TPST2: variants seen among roughly 807,000 people sequenced by gnomAD.
TPST2 encodes protein-tyrosine sulfotransferase 2.
In TPST2, 16 loss-of-function variants were observed where a neutral mutation model predicts 27.8. The ratio of observed to expected loss-of-function variants is 0.58; its 90% confidence interval spans 0.39 to 0.88. TPST2 has a LOEUF of 0.88. TPST2 is among the 40% of genes least tolerant of loss of function. The pLI, the probability that TPST2 is intolerant of heterozygous loss-of-function variation, is 0.00. For missense variants in TPST2, 464 were observed against 543.1 expected, an observed-to-expected ratio of 0.85 and a Z score of 1.45; for synonymous variants, 229 against 231.7, an observed-to-expected ratio of 0.99 and a Z score of 0.10.
chr22:26,561,466 T>C (rs574502595), intron 1 of TPST2, among the ~76,000 whole-genome samples: 8 of 152,340 alleles, frequency 5.3e-5, no homozygotes, highest in East Asian at 1.9e-4. Context: ...ATGGGGATGA[T>C]AGTTTTTTCA....
In TPST2 at chr22:26,549,072, CCTAGCGCA is replaced by C. The variant is rs1926298020; in HGVS notation, c.-160-4405_-160-4398del. Among the ~76,000 whole-genome samples the C allele has an allele frequency of 2.0e-5, 3 of 152,268 alleles. No homozygotes were observed. The South Asian group carries it at 6.2e-4, about 32-fold the overall frequency. The stretch of plus-strand genomic sequence containing the variant: ...TCCTAGAAGGGCACTTTGAAATGTG[CCTAGCGCA>C]AATGAGAAACTAGTCTTGCAGGAGT... On this transcript the variant is annotated intron_variant, in intron 1 of 6. Transcript: ENST00000338754.
rs372580239 is a variant in TPST2, at chr22:26,530,657, C to CAGGTGGAAG, written c.1092+2029_1092+2037dup. Among the ~76,000 whole-genome samples, 225 of 110,342 alleles carry CAGGTGGAAG rather than the reference C, an allele frequency of 2.0e-3. 3 individuals are homozygous for CAGGTGGAAG. Among genetic ancestry groups the CAGGTGGAAG allele is most frequent in the African/African-American group, 7.5e-3 (221 of 29,482 alleles). 72.4% of individuals were successfully genotyped at this position (110,342 alleles called of 152,430 possible). ...AAAAAAAAAAAGGAATCAGCAGGAG[C>CAGGTGGAAG]AGGTGGAAGGGTTCAGATCTTTTGA... On this transcript the variant is annotated intron_variant, in intron 5 of 6. Transcript: ENST00000338754.
chr22:26,572,342 C>G (rs984593541), intron 1 of TPST2, among the ~76,000 whole-genome samples: 10 of 152,122 alleles, frequency 6.6e-5, no homozygotes, highest in Non-Finnish European at 1.5e-4. Flanking sequence ...TCACCACCTG[C>G]AAAGCTGGCA....
chr22:26,559,064 A>G (rs1460704243), intron 1 of TPST2, among the ~76,000 whole-genome samples: 1 of 152,222 alleles, frequency 6.6e-6, no homozygotes, highest in African/African-American at 2.4e-5. Context: ...TAACTCACCT[A>G]TTTAAAGTGT....
intron 1 of TPST2, chr22:26,565,120 T>A (rs1334685583): frequency 6.6e-6 from 1 of 152,326 alleles, no homozygotes; most frequent in Non-Finnish European, 1.5e-5. Context: ...GGCCAGGCCA[T>A]GCAAAGCTGG....
chr22:26,541,159 T>C lies in TPST2; in HGVS notation c.472A>G (p.Lys158Glu). The C allele has an allele frequency of 6.2e-7, 1 of 1,605,988 alleles. No individual in the cohort carries two copies. The highest frequency in any genetic ancestry group is 8.5e-7 in the Non-Finnish European group (1 of 1,174,794). The change falls in exon 3 of 7, where the codon AAG becomes GAG. Residue 158 changes from lysine (K) to glutamate (E), a missense_variant. Coordinates refer to ENST00000338754, the MANE Select transcript of TPST2 (RefSeq NM_003595.5). The surrounding 1 kb of genome is among the most constrained non-coding windows in gnomAD (Gnocchi z 5.9). ...HGEPARVLCN[K>E]DPFTLKSSVY... ...GAGGACTTGAGCGTAAATGGGTCCT[T>C]GTTGCAGAGCACGCGGGCCGGCTCT...
At chr22:26,526,819 T>C (rs895530001) in intron 6 of TPST2, among the ~76,000 whole-genome samples, 12 of 152,182 alleles carry the variant, frequency 7.9e-5, no homozygotes, top group African/African-American at 2.7e-4. Flanking sequence ...GGCTCATGCC[T>C]GTAATCCCAG....
At chr22:26,569,571 G>A (rs1927518771) in intron 1 of TPST2, among the ~76,000 whole-genome samples, 1 of 151,868 alleles carries the variant, frequency 6.6e-6, no homozygotes, top group African/African-American at 2.4e-5. Flanking sequence ...TCACTTCAAG[G>A]CCAAGAGCTG....
At chr22:26,559,550 T>C (rs1215527124) in intron 1 of TPST2, among the ~76,000 whole-genome samples, 1 of 152,174 alleles carries the variant, frequency 6.6e-6, no homozygotes, top group Non-Finnish European at 1.5e-5. Context: ...TATCAAACTG[T>C]AACCCCCTTC....
At chr22:26,576,692 G>A (rs1019784483) in intron 1 of TPST2, among the ~76,000 whole-genome samples, 9 of 152,020 alleles carry the variant, frequency 5.9e-5, no homozygotes, top group South Asian at 4.2e-4. Flanking sequence ...AGACAAAGCC[G>A]GGCACAGTAG....
intron 4 of TPST2, among the ~76,000 whole-genome samples, chr22:26,533,592 C>T (rs5752341): frequency 0.098 from 14,880 of 152,056 alleles, 1,317 homozygotes; most frequent in African/African-American, 0.23. Flanking sequence ...CAGGCCTTTC[C>T]GCTAGTAGTC....
intron 1 of TPST2, among the ~76,000 whole-genome samples, chr22:26,588,902 C>G (rs1928444869): frequency 6.6e-6 from 1 of 152,156 alleles, no homozygotes. Context: ...GTCTGGCAGA[C>G]AGACATGCAA....
Position 26,541,250 on chromosome 22 carries a change from C to T in TPST2, c.381G>A (p.Gly127=), listed in dbSNP as rs1349145748. 2 of 1,543,294 alleles carry T rather than the reference C, an allele frequency of 1.3e-6. No homozygotes were observed. Among genetic ancestry groups the T allele is most frequent in the South Asian group, 2.5e-5 (2 of 79,752 alleles). ...CGGCGTCCAGCACCTCATCCGTCAC[C>T]CCCGCCTCATCCAGCCGCAGCTTCT... is the stretch of plus-strand genomic sequence containing the variant. ...GREKLRLDEA[G]VTDEVLDAAM... Residue 127 remains glycine (G), a synonymous_variant, in exon 3 of 7, where the codon GGG becomes GGA. Transcript: ENST00000338754. This position sits in a 1 kb window ranked among gnomAD's most constrained non-coding sequence, Gnocchi z 5.9.
chr22:26,528,299 C>A, intron 5 of TPST2, 37 bp from the exon 6 acceptor site: 1 of 1,554,558 alleles, frequency 6.4e-7, no homozygotes, highest in Non-Finnish European at 8.7e-7. Flanking sequence ...GGGGTCACGG[C>A]CAGGTGAGGG....
intron 1 of TPST2, among the ~76,000 whole-genome samples, chr22:26,566,084 C>A (rs1927364733): frequency 6.6e-6 from 1 of 152,176 alleles, no homozygotes; most frequent in Admixed American, 6.5e-5. Context: ...GGCTCTGCAG[C>A]CACACGTGGT....
intron 1 of TPST2, among the ~76,000 whole-genome samples, chr22:26,567,450 G>A (rs1927425140): frequency 6.6e-6 from 1 of 152,158 alleles, no homozygotes; most frequent in Non-Finnish European, 1.5e-5. Flanking sequence ...TTTTAATTCA[G>A]GGCTTCCTCA....
rs531358821 is a variant in TPST2 at position 26,528,967 on chromosome 22, G to A, written c.1093-705C>T. ...ACTGCACTCCAGCCTGGGTGACAGA[G>A]GGAGACTAGGTATCAAAAAAACAAA... On this transcript the variant is annotated intron_variant, in intron 5 of 6. Coordinates refer to ENST00000338754, the MANE Select transcript of TPST2 (RefSeq NM_003595.5). 5.3e-5 allele frequency among the ~76,000 whole-genome samples: 8 copies of A among 151,560 alleles called. No homozygotes were observed. The East Asian group carries it at 1.6e-3, about 29-fold the overall frequency.
intron 4 of TPST2, among the ~76,000 whole-genome samples, chr22:26,534,342 G>A (rs1248433926): frequency 1.3e-5 from 2 of 152,144 alleles, no homozygotes; most frequent in African/African-American, 4.8e-5. Flanking sequence ...GCCAAGCTAT[G>A]GCAAAAACTA....
chr22:26,546,457 C>T (rs1351598670), intron 1 of TPST2, among the ~76,000 whole-genome samples: 1 of 152,236 alleles, frequency 6.6e-6, no homozygotes, highest in Admixed American at 6.5e-5. Flanking sequence ...GCTCGCCCAG[C>T]TGCCCTCAGA....
Sources: allele counts gnomAD v4.1 joint callset (sites outside exome capture counted in the v4.1 genomes callset), GRCh38; gene constraint gnomAD v4.1.1; non-coding constraint Gnocchi (gnomAD v3.1); transcripts MANE v1.5; gene names NCBI Gene and HGNC (gene_info 2026-07-23, HGNC 2026-07-21).